The following ZNF148 variants were observed in gnomAD, a reference collection of about 807,000 sequenced individuals.
ZNF148 encodes the protein zinc finger protein 148.
Under a neutral mutation model 67.7 loss-of-function variants are expected in ZNF148, and 7 were observed. The ratio of observed to expected loss-of-function variants is 0.10; its 90% CI spans 0.06 to 0.19. The LOEUF (loss-of-function observed/expected upper bound fraction) is 0.19, where lower values mean the gene tolerates loss of function less well. Ranked by LOEUF, ZNF148 falls within the 10% of genes least tolerant of loss-of-function variation. The probability of loss-of-function intolerance (pLI) is 1.00; values close to 1 mark genes in which losing one functional copy is unlikely to be tolerated. For synonymous variants in ZNF148, 333 were observed against 330.7 expected, an observed-to-expected ratio of 1.01 and a Z score of -0.08; for missense variants, 583 against 947.1, an observed-to-expected ratio of 0.62 and a Z score of 5.05.
chr3:125,360,227 A>C (rs1354404646), intron 1 of ZNF148, among the ~76,000 whole-genome samples: 2 of 151,958 alleles, frequency 1.3e-5, no homozygotes, highest in Non-Finnish European at 2.9e-5. Flanking sequence ...TTCTATTGTC[A>C]ACAAACAATA....
At chr3:125,345,303 C>T (rs1222985840) in intron 1 of ZNF148, among the ~76,000 whole-genome samples, 1 of 151,948 alleles carries the variant, frequency 6.6e-6, no homozygotes, top group Non-Finnish European at 1.5e-5. Flanking sequence ...TGGATGAAAA[C>T]AGAAGTCTCA....
At chr3:125,357,461 TC>T (rs929366202) in intron 1 of ZNF148, among the ~76,000 whole-genome samples, 63 of 151,944 alleles carry the variant, frequency 4.1e-4, no homozygotes, top group Non-Finnish European at 7.8e-4. Context: ...AAGCCCGTCC[TC>T]CCCCCCTTCC....
chr3:125,242,143 C>T (rs1289548367), intron 7 of ZNF148, among the ~76,000 whole-genome samples: 2 of 152,106 alleles, frequency 1.3e-5, no homozygotes, highest in Non-Finnish European at 2.9e-5. Context: ...TTCCCCTGCC[C>T]TTGAATGGTA....
chr3:125,234,041 T>C (rs981394553), intron 8 of ZNF148, 102 bp from the exon 9 acceptor site: 1 of 1,398,682 alleles, frequency 7.1e-7, no homozygotes, highest in Non-Finnish European at 9.5e-7. Context: ...ATTAATGCAA[T>C]AACATACATA....
intron 5 of ZNF148, among the ~76,000 whole-genome samples, chr3:125,283,007 G>A (rs552459555): frequency 2.0e-5 from 3 of 152,164 alleles, no homozygotes; most frequent in African/African-American, 7.2e-5. Flanking sequence ...CAACTTTGAA[G>A]CCACCAAAAC....
intron 7 of ZNF148, among the ~76,000 whole-genome samples, chr3:125,264,600 A>G (rs79050474): frequency 0.014 from 2,085 of 152,312 alleles, 24 homozygotes; most frequent in Non-Finnish European, 0.023. Context: ...TCATTTGAGA[A>G]TCAGAGTTCC....
At chr3:125,349,401 C>T (rs1942059147) in intron 1 of ZNF148, among the ~76,000 whole-genome samples, 1 of 152,094 alleles carries the variant, frequency 6.6e-6, no homozygotes, top group East Asian at 1.9e-4. Context: ...AAATAGCCTG[C>T]TTTTCAAATG....
At chr3:125,368,283 T>C (rs778472836) in intron 1 of ZNF148, among the ~76,000 whole-genome samples, 14 of 152,260 alleles carry the variant, frequency 9.2e-5, no homozygotes, top group South Asian at 2.1e-4. Context: ...CAAATCAGTA[T>C]GGTCCTCTTT....
chr3:125,299,179 AC>A (rs1303686253), intron 4 of ZNF148, among the ~76,000 whole-genome samples: 1 of 152,142 alleles, frequency 6.6e-6, no homozygotes, highest in Non-Finnish European at 1.5e-5. Context: ...ACCAAAGTAG[AC>A]CTCTCTGAAA....
intron 2 of ZNF148, among the ~76,000 whole-genome samples, chr3:125,330,075 T>G (rs553145774): frequency 6.6e-6 from 1 of 152,216 alleles, no homozygotes; most frequent in Admixed American, 6.5e-5. Context: ...AAGTGAAAAA[T>G]GTTGAACATG....
chr3:125,345,100 A>G (rs1408076058), intron 1 of ZNF148, among the ~76,000 whole-genome samples: 2 of 152,220 alleles, frequency 1.3e-5, no homozygotes, highest in Non-Finnish European at 2.9e-5. Context: ...ATTCCACTCA[A>G]TAACAGCAGA....
At chr3:125,277,910 A>G in intron 6 of ZNF148, 101 bp from the exon 7 acceptor site, 1 of 789,374 alleles carries the variant, frequency 1.3e-6, no homozygotes, top group East Asian at 3.0e-5. Context: ...CAAATTTTGG[A>G]AAATTACAAA....
chr3:125,309,574 C>G (rs7612355), intron 4 of ZNF148, among the ~76,000 whole-genome samples: 117,300 of 152,084 alleles, frequency 0.77, 45,765 homozygotes, highest in African/African-American at 0.85. Flanking sequence ...AAAATGGTGG[C>G]GAAAGGGGCT....
At chr3:125,331,374 G>A (rs1941284665) in intron 1 of ZNF148, 136 bp from the exon 2 acceptor site, 1 of 394,036 alleles carries the variant, frequency 2.5e-6, no homozygotes, top group Non-Finnish European at 4.5e-6. Flanking sequence ...TACTGTTAGA[G>A]TAAATAAAAT....
chr3:125,363,670 T>TC (rs1288717614), intron 1 of ZNF148, among the ~76,000 whole-genome samples: 19 of 147,734 alleles, frequency 1.3e-4, no homozygotes, highest in East Asian at 2.0e-4. Context: ...TTTTTTTTTT[T>TC]TTTTGAGACA....
intron 4 of ZNF148, among the ~76,000 whole-genome samples, chr3:125,312,395 C>T (rs1252077997): frequency 2.6e-5 from 4 of 152,254 alleles, no homozygotes; most frequent in African/African-American, 4.8e-5. Flanking sequence ...AGTAGTTATC[C>T]GCTCATTCAC....
At chr3:125,277,697 T>C (rs1938148326) in intron 7 of ZNF148, 29 bp downstream of exon 7, 18 of 1,568,956 alleles carry the variant, frequency 1.1e-5, no homozygotes, top group Non-Finnish European at 1.6e-5. Flanking sequence ...ATCATTTTAA[T>C]GAACCTAGTA....
intron 7 of ZNF148, among the ~76,000 whole-genome samples, chr3:125,267,030 A>T (rs1937546293): frequency 6.6e-6 from 1 of 151,318 alleles, no homozygotes; most frequent in African/African-American, 2.4e-5. Context: ...ATCAATAACG[A>T]GTTCCAAAAT....
intron 4 of ZNF148, among the ~76,000 whole-genome samples, chr3:125,299,181 C>T (rs1426398133): frequency 6.6e-6 from 1 of 152,146 alleles, no homozygotes; most frequent in Non-Finnish European, 1.5e-5. Flanking sequence ...CAAAGTAGAC[C>T]TCTCTGAAAC....
Sources: gnomAD v4.1 joint callset for allele counts (sites outside exome capture counted in the v4.1 genomes callset) on GRCh38, gnomAD v4.1.1 for gene constraint, MANE v1.5 for transcripts, NCBI Gene and HGNC (gene_info 2026-07-23, HGNC 2026-07-21) for gene names.